Variants in CPT1C observed in about 807,000 individuals in gnomAD.
CPT1C encodes the protein palmitoyl thioesterase CPT1C.
A neutral mutation model predicts 97.3 loss-of-function variants in CPT1C; 61 were observed. That is an observed-to-expected ratio of 0.63 (90% CI 0.51 to 0.78). The LOEUF (loss-of-function observed/expected upper bound fraction) is 0.78. Ranked by LOEUF, CPT1C falls within the 30% of genes least tolerant of loss-of-function variation. The pLI is 0.00. For synonymous variants in CPT1C, 469 were observed against 447.2 expected (o/e 1.05, Z -0.61); for missense variants, 975 against 1,065.5 (o/e 0.92, Z 1.18).
chr19:49,698,636 C>T (rs1312853466), intron 4 of CPT1C, among the ~76,000 whole-genome samples: 1 of 150,750 alleles, frequency 6.6e-6, no homozygotes, highest in African/African-American at 2.4e-5. Flanking sequence ...GCACTTCAGC[C>T]TTGGTGACAG....
chr19:49,713,105 A>G, intron 19 of CPT1C, 41 bp downstream of exon 19: 2 of 1,529,766 alleles, frequency 1.3e-6, no homozygotes, highest in Non-Finnish European at 1.8e-6. Flanking sequence ...CTCTTTCCTC[A>G]GGAACCAGGA....
intron 4 of CPT1C, among the ~76,000 whole-genome samples, chr19:49,699,087 A>G (rs2082841558): frequency 6.6e-6 from 1 of 152,130 alleles, no homozygotes; most frequent in South Asian, 2.1e-4. Context: ...TGGGCGACAG[A>G]GAGAGACTCC....
intron 15 of CPT1C, 113 bp downstream of exon 15, chr19:49,710,597 G>C: frequency 6.4e-7 from 1 of 1,569,920 alleles, no homozygotes; most frequent in Non-Finnish European, 8.7e-7. Context: ...CGGCCATCTT[G>C]AATTCTCTCT....
intron 16 of CPT1C, 134 bp downstream of exon 16, chr19:49,710,991 C>T (rs934907407): frequency 8.8e-6 from 8 of 913,804 alleles, no homozygotes; most frequent in South Asian, 1.8e-5. Context: ...GACCTGGCCT[C>T]TGACTTCAAA....
intron 3 of CPT1C, among the ~76,000 whole-genome samples, chr19:49,695,865 G>A (rs567610288): frequency 1.3e-5 from 2 of 150,454 alleles, no homozygotes; most frequent in East Asian, 2.0e-4. Flanking sequence ...ACACGCATAA[G>A]CCATTGCCCC....
At chr19:49,704,976 G>T (rs781694453) in intron 8 of CPT1C, 31 bp from the exon 9 acceptor site, 1 of 1,546,960 alleles carries the variant, frequency 6.5e-7, no homozygotes. Flanking sequence ...CTGACCCTGG[G>T]TGTTTTGCCA....
intron 3 of CPT1C, among the ~76,000 whole-genome samples, chr19:49,694,395 C>T (rs2082539579): frequency 6.6e-6 from 1 of 151,936 alleles, no homozygotes; most frequent in Admixed American, 6.6e-5. Context: ...CTTTGGGAAG[C>T]CAAGGCAGAC....
chr19:49,707,730 C>A, intron 13 of CPT1C, 107 bp downstream of exon 13: 1 of 680,806 alleles, frequency 1.5e-6, no homozygotes, highest in Non-Finnish European at 2.4e-6. Flanking sequence ...TGGCCGGGCA[C>A]GGTGGTTCAT....
intron 7 of CPT1C, among the ~76,000 whole-genome samples, chr19:49,703,819 C>G (rs1414647127): frequency 1.3e-5 from 2 of 151,628 alleles, no homozygotes; most frequent in African/African-American, 4.8e-5. Flanking sequence ...TTTTTGTAGA[C>G]ATGGGGTCTT....
intron 18 of CPT1C, 40 bp downstream of exon 18, chr19:49,712,889 G>A (rs2083998753): frequency 6.3e-7 from 1 of 1,596,188 alleles, no homozygotes. Flanking sequence ...GAGGAAAGAG[G>A]GGGCTGGGGG....
At chr19:49,713,294 T>A (rs556214556) in intron 19 of CPT1C, 126 bp from the exon 20 acceptor site, 4 of 813,674 alleles carry the variant, frequency 4.9e-6, no homozygotes, top group Middle Eastern at 4.1e-4. Flanking sequence ...TCCCTCAGAC[T>A]CGGGAGTCCA....
intron 17 of CPT1C, 138 bp from the exon 18 acceptor site, chr19:49,712,598 A>G (rs1025826446): frequency 1.5e-6 from 1 of 657,434 alleles, no homozygotes; most frequent in Non-Finnish European, 2.7e-6. Flanking sequence ...GGGCGTGGTC[A>G]GGAGAAGGGC....
At chr19:49,707,050 G>A (rs1332503672) in intron 12 of CPT1C, among the ~76,000 whole-genome samples, 2 of 152,130 alleles carry the variant, frequency 1.3e-5, no homozygotes, top group African/African-American at 2.4e-5. Flanking sequence ...TGAGAGGGGC[G>A]GATCACCTGA....
At position 49,706,499 on chromosome 19, in the gene CPT1C, AC is replaced by A; in HGVS notation, c.1343+89del. 1 of 1,189,510 alleles carries A rather than the reference AC, an allele frequency of 8.4e-7. No individual in the cohort carries two copies. The highest frequency in any genetic ancestry group is 3.1e-5 in the East Asian group (1 of 31,768). The allele number at this position is 1,189,510 out of a possible 1,614,324, so 73.7% of individuals were successfully genotyped here. On this transcript the variant is annotated intron_variant, in intron 12 of 19. Transcript: ENST00000598293. This position sits in a 1 kb window ranked among gnomAD's most constrained non-coding sequence, Gnocchi z 4.8. The stretch of plus-strand genomic sequence containing the variant: ...AGGACCCCTGACAGTAGACAGCCAG[AC>A]CCTGGAGCCCACACCTGCAGAGTCT...
chr19:49,705,594 T>C (rs1168484273), intron 10 of CPT1C, among the ~76,000 whole-genome samples: 1 of 152,124 alleles, frequency 6.6e-6, no homozygotes, highest in Admixed American at 6.6e-5. Flanking sequence ...ATCCGGTCTA[T>C]ATACAAAATT....
rs180770628 is a variant in CPT1C, at chr19:49,699,180, T to G, written c.282-1504T>G. ...GGTCCTCATGGGAGTGGCTGCATTA[T>G]TTTTATTGAGTTATTGTGATCTTCA... On this transcript the variant is annotated intron_variant, in intron 4 of 19. Transcript: ENST00000598293. 7.3e-4 allele frequency among the ~76,000 whole-genome samples: 111 copies of G among 152,062 alleles called. 1 individual carries two copies. The East Asian group carries it at 0.013, about 17-fold the overall frequency.
chr19:49,712,017 G>A, intron 17 of CPT1C, 56 bp downstream of exon 17: 1 of 1,581,828 alleles, frequency 6.3e-7, no homozygotes, highest in Non-Finnish European at 8.6e-7. Flanking sequence ...GAAGAAGGGA[G>A]AGGTTTCAGG....
rs768517477 is a variant in CPT1C, at chr19:49,700,819, C to T, written c.417C>T (p.Pro139=). 1.2e-6 allele frequency: 2 copies of T among 1,613,202 alleles called. No homozygotes were observed. Among genetic ancestry groups the T allele is most frequent in the East Asian group, 2.2e-5 (1 of 44,880 alleles). The change falls in exon 5 of 20, where the codon CCC becomes CCT. Residue 139 remains proline, a synonymous_variant. Transcript: ENST00000598293. ...LLSYHGWLLE[P]HGAMSSPTKT... ...CCTACCACGGCTGGCTTCTTGAGCC[C>T]CACGGAGCCATGTCCTCCCCCACCA...
intron 4 of CPT1C, among the ~76,000 whole-genome samples, chr19:49,698,597 A>C (rs895323876): frequency 6.6e-6 from 1 of 150,884 alleles, no homozygotes; most frequent in African/African-American, 2.4e-5. Flanking sequence ...CGGGAGGCGG[A>C]GGTTGCGGTG....
Sources: gnomAD v4.1 joint callset for allele counts (sites outside exome capture counted in the v4.1 genomes callset) on GRCh38, gnomAD v4.1.1 for gene constraint, Gnocchi (gnomAD v3.1) non-coding constraint, MANE v1.5 for transcripts, NCBI Gene and HGNC (gene_info 2026-07-23, HGNC 2026-07-21) for gene names.